The following NRXN3 variants were observed in gnomAD, a reference collection of about 807,000 sequenced individuals.
NRXN3 encodes neurexin III.
A neutral mutation model predicts 137.6 loss-of-function variants in NRXN3; 32 were observed. The observed-to-expected ratio is 0.23, with a 90% CI of 0.18 to 0.31. NRXN3 has a LOEUF of 0.31. Among genes scored for constraint, NRXN3 ranks in the 10% least tolerant of loss-of-function variants. The pLI is 1.00. For synonymous variants in NRXN3, 798 were observed against 784.5 expected, an observed-to-expected ratio of 1.02 and a Z score of -0.29; for missense variants, 1,574 against 2,062.5, an observed-to-expected ratio of 0.76 and a Z score of 4.59.
At chr14:78,944,539 T>A (rs901570536) in intron 10 of NRXN3, among the ~76,000 whole-genome samples, 1 of 152,216 alleles carries the variant, frequency 6.6e-6, no homozygotes, top group Non-Finnish European at 1.5e-5. Flanking sequence ...ATTATGGTGC[T>A]CCCTGATTCC....
intron 15 of NRXN3, among the ~76,000 whole-genome samples, chr14:79,246,356 C>T (rs931726607): frequency 1.3e-5 from 2 of 152,132 alleles, no homozygotes; most frequent in East Asian, 1.9e-4. Flanking sequence ...ACTCATGGAG[C>T]GATTACATGG....
intron 8 of NRXN3, among the ~76,000 whole-genome samples, chr14:78,720,271 C>T (rs1028587052): frequency 5.3e-5 from 8 of 152,156 alleles, no homozygotes; most frequent in Admixed American, 5.2e-4. Context: ...TAGTTGTCTA[C>T]TTGACATCTC....
intron 6 of NRXN3, among the ~76,000 whole-genome samples, chr14:78,705,062 G>T (rs1262185983): frequency 6.6e-6 from 1 of 152,192 alleles, no homozygotes; most frequent in Non-Finnish European, 1.5e-5. Flanking sequence ...CCATGGGTGG[G>T]ATAGTAAGAC....
intron 15 of NRXN3, among the ~76,000 whole-genome samples, chr14:79,137,961 C>T (rs1370225892): frequency 2.0e-5 from 3 of 151,950 alleles, no homozygotes; most frequent in African/African-American, 4.8e-5. Flanking sequence ...ACCTATGGCA[C>T]GTGTTATGCT....
At chr14:78,221,533 A>G (rs557590558) in intron 1 of NRXN3, among the ~76,000 whole-genome samples, 1 of 152,318 alleles carries the variant, frequency 6.6e-6, no homozygotes, top group South Asian at 2.1e-4. Flanking sequence ...TCTTGGGGTG[A>G]TATATTGGTC....
intron 10 of NRXN3, among the ~76,000 whole-genome samples, chr14:78,831,534 C>CAAAAAAAA (rs372852083): frequency 2.1e-4 from 12 of 58,194 alleles, no homozygotes; most frequent in South Asian, 1.0e-3. Context: ...GACTCCATGT[C>CAAAAAAAA]AAAAAAAAAA....
At chr14:79,659,711 A>AC (rs1441335055) in intron 16 of NRXN3, among the ~76,000 whole-genome samples, 3 of 151,410 alleles carry the variant, frequency 2.0e-5, no homozygotes, top group Non-Finnish European at 2.9e-5. Flanking sequence ...AGAGGTAACA[A>AC]CTGGCCCCTC....
chr14:79,687,205 T>C lies in NRXN3; in HGVS notation c.3617-4968T>C, dbSNP rs75406478. On this transcript the variant is annotated intron_variant, in intron 17 of 20. Transcript: ENST00000335750. ...AAAGGCACTTTATAAATACAAGATA[T>C]TAGTTTTTTGCTGAGATCCATCTAT... Among the ~76,000 whole-genome samples the C allele has an allele frequency of 1.1e-4, 16 of 152,332 alleles. 1 individual carries two copies. The East Asian group carries it at 3.1e-3, about 29-fold the overall frequency.
intron 10 of NRXN3, among the ~76,000 whole-genome samples, chr14:78,951,075 T>C (rs927139333): frequency 3.3e-5 from 5 of 152,318 alleles, no homozygotes; most frequent in African/African-American, 1.2e-4. Flanking sequence ...ACCTCTAAAA[T>C]ACATCCCAAA....
intron 15 of NRXN3, among the ~76,000 whole-genome samples, chr14:79,134,150 G>A (rs1195262238): frequency 2.0e-5 from 3 of 151,892 alleles, no homozygotes; most frequent in African/African-American, 4.8e-5. Flanking sequence ...TAAGTTAAGT[G>A]TAAGTGGTAC....
intron 17 of NRXN3, among the ~76,000 whole-genome samples, chr14:79,686,949 G>A (rs902956442): frequency 6.6e-6 from 1 of 152,160 alleles, no homozygotes; most frequent in Non-Finnish European, 1.5e-5. Flanking sequence ...CTGGCTCAAG[G>A]AGCCACTTAA....
At chr14:79,192,281 T>G (rs1246644949) in intron 15 of NRXN3, among the ~76,000 whole-genome samples, 1 of 152,228 alleles carries the variant, frequency 6.6e-6, no homozygotes, top group Admixed American at 6.5e-5. Flanking sequence ...GGAATAATAA[T>G]AGTGCCTTCT....
Position 78,803,779 on chromosome 14 carries a change from G to A in NRXN3, c.2204G>A (p.Arg735His), listed in dbSNP as rs777228955. The A allele has an allele frequency of 2.0e-5, 33 of 1,613,896 alleles. No individual in the cohort carries two copies. Among genetic ancestry groups the A allele is most frequent in the Admixed American group, 5.0e-5 (3 of 60,004 alleles). Residue 735 changes from arginine to histidine, a missense_variant, in exon 9 of 21, where the codon CGT (arginine) becomes CAT (histidine). Around this residue, in one of 5 missense-constraint regions of NRXN3, gnomAD observed 718 missense variants for 887.6 expected, o/e 0.81. Coordinates refer to ENST00000335750, the MANE Select transcript of NRXN3 (RefSeq NM_001330195.2). ...TTSRDSADTL[R>H]LELDGGRVKL... ...TCCAGGGACTCTGCCGACACCCTGC[G>A]TCTGGAGCTGGATGGGGGGCGTGTC...
chr14:78,689,743 G>T (rs2098153930), intron 6 of NRXN3, among the ~76,000 whole-genome samples: 1 of 152,040 alleles, frequency 6.6e-6, no homozygotes, highest in Admixed American at 6.6e-5. Context: ...CTGGAATAAT[G>T]TACTATTATT....
chr14:79,091,800 G>T (rs189536297), intron 15 of NRXN3, among the ~76,000 whole-genome samples: 1 of 151,948 alleles, frequency 6.6e-6, no homozygotes, highest in African/African-American at 2.4e-5. Context: ...TACCAAGTAG[G>T]AACAAAAGTG....
chr14:78,596,381 C>T (rs1035630411), intron 4 of NRXN3, among the ~76,000 whole-genome samples: 2 of 152,164 alleles, frequency 1.3e-5, no homozygotes, highest in African/African-American at 4.8e-5. Context: ...TGTGGTACTG[C>T]ATCAGCCTAG....
At chr14:78,878,195 G>A (rs759992219) in intron 10 of NRXN3, among the ~76,000 whole-genome samples, 9 of 152,010 alleles carry the variant, frequency 5.9e-5, no homozygotes, top group African/African-American at 1.2e-4. Flanking sequence ...TGGGCATGTC[G>A]TACTCAGTTA....
At chr14:78,291,892 T>C (rs953490892) in intron 3 of NRXN3, among the ~76,000 whole-genome samples, 5 of 152,238 alleles carry the variant, frequency 3.3e-5, no homozygotes, top group African/African-American at 1.2e-4. Context: ...GATAACTTTT[T>C]TTTCGTCTTT....
At chr14:78,803,041 G>A (rs56061032) in intron 8 of NRXN3, among the ~76,000 whole-genome samples, 1 of 152,160 alleles carries the variant, frequency 6.6e-6, no homozygotes, top group Non-Finnish European at 1.5e-5. Context: ...TTATGTTATT[G>A]TTCTAACTCT....
Sources: gnomAD v4.1 joint callset for allele counts (sites outside exome capture counted in the v4.1 genomes callset) on GRCh38, gnomAD v4.1.1 for gene constraint, gnomAD v4.1.1 regional missense constraint, MANE v1.5 for transcripts, NCBI Gene and HGNC (gene_info 2026-07-23, HGNC 2026-07-21) for gene names.